GLYCTK: variants seen among roughly 807,000 people sequenced by gnomAD.
The protein encoded by GLYCTK is HBeAg binding protein 4.
A neutral mutation model predicts 24.8 loss-of-function variants in GLYCTK; 22 were observed. That is an observed-to-expected ratio of 0.89 (90% CI 0.63 to 1.27). GLYCTK has a LOEUF of 1.27. Among genes scored for constraint, GLYCTK ranks in the 50% most tolerant of loss-of-function variants. GLYCTK has a pLI of 0.00. For missense variants in GLYCTK, 684 were observed against 686.7 expected, an observed-to-expected ratio of 1.00 and a Z score of 0.04; for synonymous variants, 320 against 297.2, an observed-to-expected ratio of 1.08 and a Z score of -0.79.
In GLYCTK at chr3:52,293,353, A is replaced by G; in HGVS notation, c.*227A>G. 1 of 697,528 alleles carries G rather than the reference A, an allele frequency of 1.4e-6. No individual in the cohort carries two copies. The highest frequency in any genetic ancestry group is 2.6e-6 in the Non-Finnish European group (1 of 383,052). 43.2% of individuals were successfully genotyped at this position (697,528 alleles called of 1,614,324 possible). On this transcript the variant is annotated 3_prime_UTR_variant, in exon 5 of 5. Coordinates refer to ENST00000436784, the MANE Select transcript of GLYCTK (RefSeq NM_145262.4). ...TCCCCCTACCCCTGAGGATGAGGAC[A>G]AGCCCCTCGGCCAGTTCAGCGTTCC...
At position 52,294,022 on chromosome 3, in the gene GLYCTK, A is replaced by T. The variant is rs1700569064; in HGVS notation, c.*896A>T. 1 of 426,430 alleles carries T rather than the reference A, an allele frequency of 2.3e-6. No homozygotes were observed. Among genetic ancestry groups the T allele is most frequent in the Non-Finnish European group, 4.8e-6 (1 of 209,358 alleles). 26.4% of individuals were successfully genotyped at this position (426,430 alleles called of 1,614,324 possible). A position where few individuals can be genotyped will look rare whatever the true frequency, so the allele number is the denominator to read the frequency against. ...TCAGCCCTTCAGTGGGGGTCCCAGC[A>T]CTGGGATGGTGGGTCCAGCCAGTGA... On this transcript the variant is annotated 3_prime_UTR_variant, in exon 5 of 5. Transcript: ENST00000436784.
At position 52,293,537 on chromosome 3, in the gene GLYCTK, G is replaced by A; in HGVS notation, c.*411G>A. On this transcript the variant is annotated 3_prime_UTR_variant, in exon 5 of 5. Transcript: ENST00000436784. ...GGGGAGCCGCTGGGAGGGGAGCGTG[G>A]TACGGCTGCAGCCACAGTACCAGGG... 1 of 465,890 alleles carries A rather than the reference G, an allele frequency of 2.1e-6. No individual in the cohort carries two copies. Among genetic ancestry groups the A allele is most frequent in the Middle Eastern group, 4.9e-4 (1 of 2,034 alleles). The allele number at this position is 465,890 out of a possible 1,614,324, so 28.9% of individuals were successfully genotyped here. A position where few individuals can be genotyped will look rare whatever the true frequency, so the allele number is the denominator to read the frequency against.
rs1422494168 is a variant in GLYCTK, at chr3:52,294,145, G to C, written c.*1019G>C. On this transcript the variant is annotated 3_prime_UTR_variant, in exon 5 of 5. Transcript: ENST00000436784. ...CTGTGTTGGCCTGGCCAGCAGCCTG[G>C]GTTGAGAGAGGGAGGTGCCACTGTC... 3.8e-6 allele frequency: 2 copies of C among 531,484 alleles called. No individual in the cohort carries two copies. Among genetic ancestry groups the C allele is most frequent in the South Asian group, 2.8e-5 (2 of 71,506 alleles). The allele number at this position is 531,484 out of a possible 1,614,324, so 32.9% of individuals were successfully genotyped here.
Position 52,290,482 on chromosome 3 carries a change from G to T in GLYCTK, c.140G>T (p.Gly47Val), listed in dbSNP as rs1700426851. The change falls in exon 2 of 5, where the codon GGT (glycine) becomes GTT (valine). Residue 47 changes from glycine (G) to valine (V), a missense_variant. Physicochemically the swap from Gly to Val is moderately radical, Grantham distance 109. Transcript: ENST00000436784. Reference sequence around the variant, plus strand: ...AGGCAGCTGTTTGAGAGTGCTGTAGGTGCAGTGCTGCCGGGCCCCATGCTG... The same window carrying T: ...AGGCAGCTGTTTGAGAGTGCTGTAGTTGCAGTGCTGCCGGGCCCCATGCTG... ...QARQLFESAVGAVLPGPMLHR... is the reference protein window; with the variant it reads ...QARQLFESAVVAVLPGPMLHR... 1 of 1,613,258 alleles carries T rather than the reference G, an allele frequency of 6.2e-7. No individual in the cohort carries two copies. The highest frequency in any genetic ancestry group is 8.5e-7 in the Non-Finnish European group (1 of 1,180,028).
rs1290778133 is a variant in GLYCTK at position 52,292,795 on chromosome 3, T to A, written c.1241T>A (p.Leu414Gln). Residue 414 changes from leucine (L) to glutamine (Q), a missense_variant, in exon 5 of 5, where the codon CTG (leucine) becomes CAG (glutamine). Coordinates refer to ENST00000436784, the MANE Select transcript of GLYCTK (RefSeq NM_145262.4). ...GCTGGTGGCGAGCCCACAGTACAGC[T>A]GCAGGGCTCGGGCAGGGGTGGCCGG... The part of the protein sequence containing the change: ...LLAGGEPTVQ[L>Q]QGSGRGGRNQ... 1.3e-5 allele frequency: 21 copies of A among 1,611,094 alleles called. No individual in the cohort carries two copies. The highest frequency in any genetic ancestry group is 1.8e-5 in the Non-Finnish European group (21 of 1,178,956).
In GLYCTK at chr3:52,293,238, T is replaced by C. The variant is rs1559467596; in HGVS notation, c.*112T>C. The C allele has an allele frequency of 9.2e-7, 1 of 1,088,794 alleles. No homozygotes were observed. Among genetic ancestry groups the C allele is most frequent in the Non-Finnish European group, 1.4e-6 (1 of 731,130 alleles). The allele number at this position is 1,088,794 out of a possible 1,614,324, so 67.4% of individuals were successfully genotyped here. On this transcript the variant is annotated 3_prime_UTR_variant, in exon 5 of 5. Transcript: ENST00000436784. ...TAAGCCTTAGGGCCCCTCCTCTCCT[T>C]GGCCTTGGCTGTTTGGTTAACTGTC...
At position 52,291,685 on chromosome 3, in the gene GLYCTK, T is replaced by C. The variant is rs1248302024; in HGVS notation, c.530-62T>C. On this transcript the variant is annotated intron_variant, in intron 3 of 4. Coordinates refer to ENST00000436784, the MANE Select transcript of GLYCTK (RefSeq NM_145262.4). ...TTTTCTAATGTGGGCTTGTCACCCC[T>C]GCTTGCCTGGTTCCCTGGGTTGGGA... 3.9e-6 allele frequency: 6 copies of C among 1,536,198 alleles called. No individual in the cohort carries two copies. The African/African-American group carries it at 8.2e-5, about 21-fold the overall frequency.
chr3:52,291,659 T>C, intron 3 of GLYCTK, 88 bp from the exon 4 acceptor site: 1 of 1,300,650 alleles, frequency 7.7e-7, no homozygotes, highest in Non-Finnish European at 1.1e-6. Flanking sequence ...TCCAGCCCCC[T>C]TTTTCTAATG....
Position 52,292,315 on chromosome 3 carries a change from G to A in GLYCTK, c.761G>A (p.Ser254Asn). The change falls in exon 5 of 5, where the codon AGT becomes AAT. Residue 254 changes from serine to asparagine, a missense_variant. Ser to Asn is a conservative substitution (Grantham distance 46). Coordinates refer to ENST00000436784, the MANE Select transcript of GLYCTK (RefSeq NM_145262.4). ...VVGDPVEVIA[S>N]GPTVASSHNV... ...GGGGACCCTGTGGAGGTGATTGCCA[G>A]TGGCCCCACCGTGGCCAGTTCCCAC... The A allele has an allele frequency of 6.2e-7, 1 of 1,613,952 alleles. No individual in the cohort carries two copies.
chr3:52,290,804 C>G, intron 2 of GLYCTK, 85 bp downstream of exon 2: 1 of 1,583,194 alleles, frequency 6.3e-7, no homozygotes, highest in South Asian at 1.1e-5. Flanking sequence ...GCCTCCCCTC[C>G]CCACCCGCTT....
In GLYCTK at chr3:52,292,472, T is replaced by A. The variant is rs140258308; in HGVS notation, c.918T>A (p.Asn306Lys). ...HGPHTCGHVL[N>K]VIIGSNVLAL... The stretch of plus-strand genomic sequence containing the variant: ...CACACACCTGTGGCCATGTCCTGAA[T>A]GTGATCATTGGCTCTAATGTGCTGG... Residue 306 changes from asparagine to lysine, a missense_variant, in exon 5 of 5, where the codon AAT (asparagine) becomes AAA (lysine). Asn to Lys is a moderately conservative substitution (Grantham distance 94). Transcript: ENST00000436784. The A allele has an allele frequency of 6.8e-6, 11 of 1,613,206 alleles. No homozygotes were observed. Among genetic ancestry groups the A allele is most frequent in the Non-Finnish European group, 8.5e-6 (10 of 1,179,800 alleles).
At position 52,290,305 on chromosome 3, in the gene GLYCTK, C is replaced by T; in HGVS notation, c.-38C>T. ...CTCAGTTGTGCTTTTTCCCTCTAGG[C>T]AGCCATGGGTGCCAGGCAGTGCTGA... On this transcript the variant is annotated splice_region_variant and 5_prime_UTR_variant, in exon 2 of 5. Coordinates refer to ENST00000436784, the MANE Select transcript of GLYCTK (RefSeq NM_145262.4). The T allele has an allele frequency of 6.3e-7, 1 of 1,584,170 alleles. No individual in the cohort carries two copies. The highest frequency in any genetic ancestry group is 8.5e-7 in the Non-Finnish European group (1 of 1,170,870).
chr3:52,292,189 G>C (rs1461520119), intron 4 of GLYCTK, 71 bp from the exon 5 acceptor site: 1 of 1,588,864 alleles, frequency 6.3e-7, no homozygotes, highest in Non-Finnish European at 8.6e-7. Flanking sequence ...TACCCTAGGG[G>C]CAGTTTGTCC....
In GLYCTK at chr3:52,293,667, C is replaced by A. The variant is rs1700558631; in HGVS notation, c.*541C>A. On this transcript the variant is annotated 3_prime_UTR_variant, in exon 5 of 5. Transcript: ENST00000436784. ...CCCTCTGGAGTGTGTGAGGGTTGAG[C>A]TTGGCTCCTGACAGCTTTGATGTGC... 6.6e-6 allele frequency: 3 copies of A among 454,276 alleles called. No homozygotes were observed. Among genetic ancestry groups the A allele is most frequent in the African/African-American group, 4.0e-5 (2 of 50,134 alleles). The allele number at this position is 454,276 out of a possible 1,614,324, so 28.1% of individuals were successfully genotyped here.
rs766667068 is a variant in GLYCTK, at chr3:52,294,408, A to AAGGGTTTCCCTTC, written c.*1283_*1295dup. The AAGGGTTTCCCTTC allele has an allele frequency of 1.4e-5, 7 of 506,666 alleles. No homozygotes were observed. The highest frequency in any genetic ancestry group is 2.8e-5 in the Non-Finnish European group (7 of 247,874). 31.4% of individuals were successfully genotyped at this position (506,666 alleles called of 1,614,324 possible). A position where few individuals can be genotyped will look rare whatever the true frequency, so the allele number is the denominator to read the frequency against. ...AGGGCTGGCAGGACTTTCCCCTGGG[A>AAGGGTTTCCCTTC]AGGGTTTCCCTTCCCCACCTGGGCT... On this transcript the variant is annotated 3_prime_UTR_variant, in exon 5 of 5. Transcript: ENST00000436784.
At chr3:52,290,133 G>A (rs1235884029) in intron 1 of GLYCTK, 171 bp from the exon 2 acceptor site, 4 of 608,416 alleles carry the variant, frequency 6.6e-6, no homozygotes, top group East Asian at 5.6e-5. Flanking sequence ...CTCCAAGGAC[G>A]AGTAAGATCC....
At chr3:52,289,989 G>T (rs1700408526) in intron 1 of GLYCTK, 2 of 350,518 alleles carry the variant, frequency 5.7e-6, no homozygotes, top group East Asian at 5.4e-5. Flanking sequence ...CTCTGTCAAT[G>T]ATTAACTCCC....
rs148349115 is a variant in GLYCTK, at chr3:52,292,342, A to G, written c.788A>G (p.Asn263Ser). The G allele has an allele frequency of 6.1e-5, 98 of 1,613,874 alleles. No individual in the cohort carries two copies. Among genetic ancestry groups the G allele is most frequent in the Middle Eastern group, 4.9e-4 (3 of 6,078 alleles). The change falls in exon 5 of 5, where the codon AAT becomes AGT. Residue 263 changes from asparagine (N) to serine (S), a missense_variant. By Grantham distance (46) the Asn-to-Ser change is conservative (BLOSUM62 1). Coordinates refer to ENST00000436784, the MANE Select transcript of GLYCTK (RefSeq NM_145262.4). Reference sequence around the variant, plus strand: ...GGCCCCACCGTGGCCAGTTCCCACAATGTGCAAGATTGCCTGCATATCCTC... The same window carrying G: ...GGCCCCACCGTGGCCAGTTCCCACAGTGTGCAAGATTGCCTGCATATCCTC... ...ASGPTVASSH[N>S]VQDCLHILNR... is the part of the protein sequence containing the mutation.
At chr3:52,290,147 A>AG in intron 1 of GLYCTK, 157 bp from the exon 2 acceptor site, 1 of 628,198 alleles carries the variant, frequency 1.6e-6, no homozygotes, top group Non-Finnish European at 2.7e-6. Flanking sequence ...AAGATCCTGC[A>AG]GCTGCAGGCT....
Sources: allele counts gnomAD v4.1 joint callset, GRCh38; gene constraint gnomAD v4.1.1; transcripts MANE v1.5; gene names NCBI Gene and HGNC (gene_info 2026-07-23, HGNC 2026-07-21).